TMEM132C: variants seen among roughly 807,000 people sequenced by gnomAD.
TMEM132C encodes the protein transmembrane protein 132C.
Under a neutral mutation model 61.4 loss-of-function variants are expected in TMEM132C, and 29 were observed. The observed-to-expected ratio is 0.47, with a 90% CI of 0.35 to 0.64. TMEM132C has a LOEUF of 0.64. Among genes scored for constraint, TMEM132C ranks in the 30% least tolerant of loss-of-function variants. The pLI, the probability that TMEM132C is intolerant of heterozygous loss-of-function variation, is 0.00. For missense variants in TMEM132C, 1,408 were observed against 1,476.9 expected (o/e 0.95, Z 0.76); for synonymous variants, 656 against 633.1 (o/e 1.04, Z -0.54).
chr12:128,555,461 A>G (rs555766231), intron 3 of TMEM132C, among the ~76,000 whole-genome samples: 42 of 152,162 alleles, frequency 2.8e-4, no homozygotes, highest in Non-Finnish European at 5.4e-4. Context: ...ATAAACTTAC[A>G]TTTTGGGTCC....
At chr12:128,343,578 AT>A in intron 1 of TMEM132C, among the ~76,000 whole-genome samples, 1 of 152,214 alleles carries the variant, frequency 6.6e-6, no homozygotes, top group South Asian at 2.1e-4. Flanking sequence ...CCACTAAATC[AT>A]TTTTTTCTTT....
chr12:128,377,421 T>C (rs925097634), intron 1 of TMEM132C, among the ~76,000 whole-genome samples: 1 of 152,190 alleles, frequency 6.6e-6, no homozygotes, highest in African/African-American at 2.4e-5. Context: ...AGAACCTGCC[T>C]ACCACGTAGG....
In TMEM132C at chr12:128,311,017, T is replaced by C. The variant is rs541060038; in HGVS notation, c.85+43530T>C. On this transcript the variant is annotated intron_variant, in intron 1 of 8. Transcript: ENST00000435159. ...TTCAACTATGTATATCTATCATCTA[T>C]CAATATAAAAAATAAATGAAAAAAT... is the stretch of plus-strand genomic sequence containing the variant. 3.1e-4 allele frequency among the ~76,000 whole-genome samples: 47 copies of C among 152,300 alleles called. 1 individual carries two copies. In the South Asian group the frequency reaches 9.5e-3, roughly 31 times the overall value.
intron 3 of TMEM132C, among the ~76,000 whole-genome samples, chr12:128,562,871 G>A (rs1874572197): frequency 6.6e-6 from 1 of 152,202 alleles, no homozygotes; most frequent in Non-Finnish European, 1.5e-5. Flanking sequence ...CTTCCACTCT[G>A]CAAAGGTGGC....
chr12:128,613,794 C>G (rs915199520), intron 3 of TMEM132C, among the ~76,000 whole-genome samples: 1 of 152,206 alleles, frequency 6.6e-6, no homozygotes, highest in African/African-American at 2.4e-5. Flanking sequence ...GGCTGTCAAT[C>G]AAGCCCTGAA....
At position 128,570,145 on chromosome 12, in the gene TMEM132C, CAG is replaced by C. The variant is rs900850332; in HGVS notation, c.1121+26047_1121+26048del. ...CTTCTCGTCTTAGGCTCCTTAGCACCAGAGAGGAGTGGAAAGGTGAAAGAAAG... is the reference window on the plus strand; with the variant it reads ...CTTCTCGTCTTAGGCTCCTTAGCACCAGAGGAGTGGAAAGGTGAAAGAAAG... On this transcript the variant is annotated intron_variant, in intron 3 of 8. Transcript: ENST00000435159. The surrounding 1 kb of genome is among the most constrained non-coding windows in gnomAD (Gnocchi z 4.7). Among the ~76,000 whole-genome samples the C allele has an allele frequency of 1.3e-5, 2 of 152,022 alleles. No individual in the cohort carries two copies. The highest frequency in any genetic ancestry group is 2.9e-5 in the Non-Finnish European group (2 of 68,012).
Position 128,415,412 on chromosome 12 carries a change from AAGGATGGGCTGG to A in TMEM132C, c.771_782del (p.Asp257_Glu260del). ...GAAGGGCAACGCCATCCGTCCAGGA[AAGGATGGGCTGG>A]AGGAAACCACGTCCCACCTGCAGAG... On this transcript the variant is annotated inframe_deletion, in exon 2 of 9. Transcript: ENST00000435159. The surrounding 1 kb of genome is among the most constrained non-coding windows in gnomAD (Gnocchi z 5.8). 1.3e-6 allele frequency: 2 copies of A among 1,551,434 alleles called. No homozygotes were observed. The highest frequency in any genetic ancestry group is 8.7e-7 in the Non-Finnish European group (1 of 1,146,792).
At chr12:128,305,195 G>A (rs1872540) in intron 1 of TMEM132C, among the ~76,000 whole-genome samples, 82,957 of 151,700 alleles carry the variant, frequency 0.55, 23,209 homozygotes, top group Middle Eastern at 0.64. Context: ...CAACACAGTA[G>A]GACTCCATCT....
At chr12:128,663,896 ACATG>A (rs1306333569) in intron 4 of TMEM132C, among the ~76,000 whole-genome samples, 319 of 141,740 alleles carry the variant, frequency 2.3e-3, no homozygotes, top group Middle Eastern at 0.016. Context: ...ACAAGCACCC[ACATG>A]CACGCACACA....
intron 1 of TMEM132C, among the ~76,000 whole-genome samples, chr12:128,342,729 TCTGCTGCCTGGAA>T (rs1371032348): frequency 5.3e-5 from 8 of 152,350 alleles, no homozygotes; most frequent in African/African-American, 1.7e-4. Flanking sequence ...GAGAAGGAAT[TCTGCTGCCTGGAA>T]CTGCTGCTCT....
At chr12:128,535,108 T>C (rs1873471775) in intron 2 of TMEM132C, among the ~76,000 whole-genome samples, 1 of 152,238 alleles carries the variant, frequency 6.6e-6, no homozygotes, top group South Asian at 2.1e-4. Flanking sequence ...CTAATGTGTC[T>C]TTGATCTTCG....
intron 5 of TMEM132C, among the ~76,000 whole-genome samples, chr12:128,684,533 G>A (rs1335485686): frequency 6.6e-6 from 1 of 152,236 alleles, no homozygotes; most frequent in Non-Finnish European, 1.5e-5. Flanking sequence ...GCTGGGCCAG[G>A]CAGCTCATTA....
chr12:128,655,372 A>G (rs1415655473), intron 4 of TMEM132C, among the ~76,000 whole-genome samples: 1 of 152,190 alleles, frequency 6.6e-6, no homozygotes, highest in East Asian at 1.9e-4. Flanking sequence ...GCGTGTGTGT[A>G]ATGTATTCTT....
intron 2 of TMEM132C, among the ~76,000 whole-genome samples, chr12:128,486,881 A>ACG (rs1871513114): frequency 1.5e-5 from 1 of 68,482 alleles, no homozygotes; most frequent in South Asian, 6.0e-4. Flanking sequence ...ATGCAAACAC[A>ACG]CACACACACA....
rs561670597 is a variant in TMEM132C at position 128,271,421 on chromosome 12, C to A, written c.85+3934C>A. ...GTAACTGTATATACATTTTATCTGTCCATTATAAAAAAGATTTTATTTCTA... is the reference window on the plus strand; with the variant it reads ...GTAACTGTATATACATTTTATCTGTACATTATAAAAAAGATTTTATTTCTA... On this transcript the variant is annotated intron_variant, in intron 1 of 8. Transcript: ENST00000435159. 1.9e-4 allele frequency among the ~76,000 whole-genome samples: 29 copies of A among 151,896 alleles called. No homozygotes were observed. In the South Asian group the frequency reaches 5.8e-3, roughly 30 times the overall value.
At chr12:128,618,910 A>T (rs897834759) in intron 4 of TMEM132C, among the ~76,000 whole-genome samples, 1 of 152,182 alleles carries the variant, frequency 6.6e-6, no homozygotes, top group African/African-American at 2.4e-5. Context: ...GACCTCAGCT[A>T]TGCAAAGCAA....
intron 2 of TMEM132C, among the ~76,000 whole-genome samples, chr12:128,463,655 A>G (rs1238969884): frequency 1.3e-5 from 2 of 151,322 alleles, no homozygotes; most frequent in Non-Finnish European, 2.9e-5. Context: ...TGTCCCTGGA[A>G]GGGCCTGCCT....
chr12:128,695,506 G>T (rs1002445251), intron 6 of TMEM132C, among the ~76,000 whole-genome samples: 1 of 152,144 alleles, frequency 6.6e-6, no homozygotes, highest in Non-Finnish European at 1.5e-5. Context: ...CTGGACAACA[G>T]AGCAAGACCC....
intron 2 of TMEM132C, among the ~76,000 whole-genome samples, chr12:128,509,826 C>T (rs929788307): frequency 1.4e-4 from 22 of 152,126 alleles, no homozygotes; most frequent in Admixed American, 1.3e-3. Flanking sequence ...GCCAGTGAGC[C>T]TTTCTGTACC....
Sources: gnomAD v4.1 joint callset for allele counts (sites outside exome capture counted in the v4.1 genomes callset) on GRCh38, gnomAD v4.1.1 for gene constraint, Gnocchi (gnomAD v3.1) non-coding constraint, MANE v1.5 for transcripts, NCBI Gene and HGNC (gene_info 2026-07-23, HGNC 2026-07-21) for gene names.